Variants in ZNF445 observed in about 807,000 individuals in gnomAD.
The protein encoded by ZNF445 is zinc finger protein 168.
Under a neutral mutation model 93.9 loss-of-function variants are expected in ZNF445, and 19 were observed. The ratio of observed to expected loss-of-function variants is 0.20; its 90% CI spans 0.14 to 0.30. ZNF445 has a LOEUF of 0.30. Among genes scored for constraint, ZNF445 ranks in the 10% least tolerant of loss-of-function variants. The pLI, the probability that ZNF445 is intolerant of heterozygous loss-of-function variation, is 1.00. For missense variants in ZNF445, 1,058 were observed against 1,259.4 expected (o/e 0.84, Z 2.42); for synonymous variants, 449 against 446.3 (o/e 1.01, Z -0.08).
rs1182177937 is a variant in ZNF445, at chr3:44,450,980, AT to A, written c.599-19del. On this transcript the variant is annotated intron_variant, in intron 4 of 7. Coordinates refer to ENST00000396077, the MANE Select transcript of ZNF445 (RefSeq NM_181489.6). Reference sequence around the variant, plus strand: ...AGGAGTATCTGAAGGAGAAAAAGCCATGAGAGAGCGGCTCAGCTCTGGACAG... The same window carrying A: ...AGGAGTATCTGAAGGAGAAAAAGCCAGAGAGAGCGGCTCAGCTCTGGACAG... 1 of 1,554,714 alleles carries A rather than the reference AT, an allele frequency of 6.4e-7. No homozygotes were observed. The highest frequency in any genetic ancestry group is 8.7e-7 in the Non-Finnish European group (1 of 1,150,666).
At chr3:44,457,513 C>T (rs903405463) in intron 2 of ZNF445, among the ~76,000 whole-genome samples, 4 of 152,134 alleles carry the variant, frequency 2.6e-5, no homozygotes, top group Middle Eastern at 3.2e-3. Context: ...CCTCCCACAT[C>T]GGCCTCCTAA....
Position 44,447,348 on chromosome 3 carries a change from A to T in ZNF445, c.2323T>A (p.Ser775Thr). 1 of 1,614,174 alleles carries T rather than the reference A, an allele frequency of 6.2e-7. No homozygotes were observed. The highest frequency in any genetic ancestry group is 1.1e-5 in the South Asian group (1 of 91,086). The change falls in exon 8 of 8, where the codon TCA becomes ACA. Residue 775 changes from serine to threonine, a missense_variant. Coordinates refer to ENST00000396077, the MANE Select transcript of ZNF445 (RefSeq NM_181489.6). This position sits in a 1 kb window ranked among gnomAD's most constrained non-coding sequence, Gnocchi z 4.7. ...ACTCTCTGATGGATGAGGAGGAATGAGTGATTGCGGAAGGCCTTGCCACAC... is the reference window on the plus strand; with the variant it reads ...ACTCTCTGATGGATGAGGAGGAATGTGTGATTGCGGAAGGCCTTGCCACAC... ...SQCGKAFRNH[S>T]FLLIHQRVHT...
chr3:44,448,626 T>C lies in ZNF445; in HGVS notation c.1045A>G (p.Ile349Val), dbSNP rs1697912838. ...TGTTGAAAAGATTCTCTGAGCCCAA[T>C]TCCCTCAGAAACACTTGTCGCAGGA... is the stretch of plus-strand genomic sequence containing the variant. ...GCPATSVSEG[I>V]GLRESFQQKS... is the part of the protein sequence containing the mutation. The change falls in exon 8 of 8, where the codon ATT (isoleucine) becomes GTT (valine). Residue 349 changes from isoleucine (I) to valine (V), a missense_variant. Ile to Val is a conservative substitution (Grantham distance 29). Coordinates refer to ENST00000396077, the MANE Select transcript of ZNF445 (RefSeq NM_181489.6). 2 of 1,614,214 alleles carry C rather than the reference T, an allele frequency of 1.2e-6. No homozygotes were observed. The highest frequency in any genetic ancestry group is 1.3e-5 in the African/African-American group (1 of 75,072).
rs777074588 is a variant in ZNF445 at position 44,455,432 on chromosome 3, C to T, written c.118G>A (p.Ala40Thr). 3.2e-5 allele frequency: 52 copies of T among 1,614,074 alleles called. No homozygotes were observed. The South Asian group carries it at 5.2e-4, about 16-fold the overall frequency. ...CGGTTGAGAGTCTGTGGCCTGGCAG[C>T]CTGCACTGGAGTATAGCTTTCATCC... is the stretch of plus-strand genomic sequence containing the variant. ...EEDESYTPVQ[A>T]ARPQTLNRPG... The change falls in exon 3 of 8, where the codon GCT becomes ACT. Residue 40 changes from alanine to threonine, a missense_variant. Physicochemically the swap from Ala to Thr is moderately conservative, Grantham distance 58. Coordinates refer to ENST00000396077, the MANE Select transcript of ZNF445 (RefSeq NM_181489.6).
chr3:44,448,681 T>C lies in ZNF445; in HGVS notation c.990A>G (p.Glu330=), dbSNP rs2125678764. The C allele has an allele frequency of 6.2e-7, 1 of 1,613,876 alleles. No homozygotes were observed. Among genetic ancestry groups the C allele is most frequent in the Middle Eastern group, 1.7e-4 (1 of 6,060 alleles). ...CTGATGACACAGCTAAGGTTTCTGC[T>C]TCTTCCAAAGGTTCCTGATTTAAGA... The part of the protein sequence containing the change: ...KFILNQEPLE[E]AETLAVSSGC... Residue 330 remains glutamate (E), a synonymous_variant, in exon 8 of 8, where the codon GAA becomes GAG. Coordinates refer to ENST00000396077, the MANE Select transcript of ZNF445 (RefSeq NM_181489.6).
Position 44,443,319 on chromosome 3 carries a change from T to C in ZNF445, c.*3256A>G, listed in dbSNP as rs1056479254. 2 of 152,238 alleles carry C rather than the reference T, an allele frequency of 1.3e-5. No homozygotes were observed. The highest frequency in any genetic ancestry group is 4.8e-5 in the African/African-American group (2 of 41,458). The allele number at this position is 152,238 out of a possible 1,614,324, so 9.4% of individuals were successfully genotyped here. Reference sequence around the variant, plus strand: ...GCTAATCTGAATTCATTAATATTTATATAATTATAGTACTTATAGAACTAA... The same window carrying C: ...GCTAATCTGAATTCATTAATATTTACATAATTATAGTACTTATAGAACTAA... On this transcript the variant is annotated 3_prime_UTR_variant, in exon 8 of 8. Coordinates refer to ENST00000396077, the MANE Select transcript of ZNF445 (RefSeq NM_181489.6).
Position 44,439,791 on chromosome 3 carries a change from A to G in ZNF445, c.*6784T>C, listed in dbSNP as rs191067257. 2 of 152,338 alleles carry G rather than the reference A, an allele frequency of 1.3e-5. No individual in the cohort carries two copies. The highest frequency in any genetic ancestry group is 1.9e-4 in the East Asian group (1 of 5,182). 9.4% of individuals were successfully genotyped at this position (152,338 alleles called of 1,614,324 possible). On this transcript the variant is annotated 3_prime_UTR_variant, in exon 8 of 8. Transcript: ENST00000396077. ...CCAAGAGGTTATGAAAAAGTTTACT[A>G]CTCACATGAGGCCTTCTAGGGAAAG...
intron 1 of ZNF445, among the ~76,000 whole-genome samples, chr3:44,462,900 A>G (rs1698136667): frequency 1.3e-5 from 2 of 152,258 alleles, no homozygotes; most frequent in Non-Finnish European, 2.9e-5. Context: ...CTTAATTAAA[A>G]GTGGATAAAC....
At position 44,455,308 on chromosome 3, in the gene ZNF445, C is replaced by A; in HGVS notation, c.242G>T (p.Arg81Leu). Residue 81 changes from arginine to leucine, a missense_variant, in exon 3 of 8, where the codon CGC becomes CTC. Arg to Leu is a moderately radical substitution (Grantham distance 102). Coordinates refer to ENST00000396077, the MANE Select transcript of ZNF445 (RefSeq NM_181489.6). ...GAGAACGTCAGGCCTCAGCCACCAGCGACAGAGTTCCCGGAGCCGGCTCAG... is the reference window on the plus strand; with the variant it reads ...GAGAACGTCAGGCCTCAGCCACCAGAGACAGAGTTCCCGGAGCCGGCTCAG... Reference protein sequence around the residue: ...ETLSRLRELCRWWLRPDVLSK... With the variant: ...ETLSRLRELCLWWLRPDVLSK... The A allele has an allele frequency of 6.2e-7, 1 of 1,614,026 alleles. No individual in the cohort carries two copies.
rs1422835194 is a variant in ZNF445 at position 44,434,429 on chromosome 3, AAAG to A, written c.*12143_*12145del. On this transcript the variant is annotated 3_prime_UTR_variant, in exon 8 of 8. Transcript: ENST00000396077. ...CTCAAAAAAGAAAAAAAAAAGAGAG[AAAG>A]AAGTTTTGGAAACATTATTTGCCCT... is the stretch of plus-strand genomic sequence containing the variant. The A allele has an allele frequency of 2.7e-5, 4 of 150,900 alleles. No homozygotes were observed. The highest frequency in any genetic ancestry group is 5.9e-5 in the Non-Finnish European group (4 of 67,458). 9.3% of individuals were successfully genotyped at this position (150,900 alleles called of 1,614,324 possible).
chr3:44,476,317 C>T (rs1455908493), intron 1 of ZNF445, among the ~76,000 whole-genome samples: 7 of 152,042 alleles, frequency 4.6e-5, no homozygotes. Context: ...TTTTTAAGTG[C>T]ATACTGAGGT....
chr3:44,471,726 C>T (rs567757160), intron 1 of ZNF445, among the ~76,000 whole-genome samples: 2 of 152,278 alleles, frequency 1.3e-5, no homozygotes, highest in East Asian at 3.9e-4. Context: ...TACAGCCCTA[C>T]TCTATGGGCC....
rs760374759 is a variant in ZNF445, at chr3:44,447,789, T to C, written c.1882A>G (p.Thr628Ala). ...IHTQEKPYKC[T>A]KCRKTFRWRS... ...CATCTAAAGGTTTTCCTACATTTGG[T>C]ACATTTATAGGGCTTCTCCTGGGTG... The change falls in exon 8 of 8, where the codon ACC becomes GCC. Residue 628 changes from threonine to alanine, a missense_variant. This residue lies in a region of ZNF445 where 14 missense variants were observed against 37.3 expected (regional missense o/e 0.38). Transcript: ENST00000396077. This position sits in a 1 kb window ranked among gnomAD's most constrained non-coding sequence, Gnocchi z 4.7. The C allele has an allele frequency of 8.7e-6, 14 of 1,614,016 alleles. No homozygotes were observed. In the East Asian group the frequency reaches 3.1e-4, roughly 36 times the overall value.
chr3:44,463,389 C>T lies in ZNF445; in HGVS notation c.-268-5025G>A, dbSNP rs188092752. ...GAGGCCCTAAGATAACTTCTGGTAG[C>T]CTGGGACTCATTGGGAAAAACAGAG... On this transcript the variant is annotated intron_variant, in intron 1 of 7. Transcript: ENST00000396077. Among the ~76,000 whole-genome samples the T allele has an allele frequency of 1.3e-3, 194 of 152,176 alleles. 2 individuals are homozygous for T. Among genetic ancestry groups the T allele is most frequent in the African/African-American group, 4.4e-3 (183 of 41,502 alleles).
Position 44,448,019 on chromosome 3 carries a change from C to T in ZNF445, c.1652G>A (p.Arg551Gln), listed in dbSNP as rs1455373516. 1.9e-6 allele frequency: 3 copies of T among 1,611,200 alleles called. No individual in the cohort carries two copies. The highest frequency in any genetic ancestry group is 2.5e-6 in the Non-Finnish European group (3 of 1,180,004). ...YKCDLCEKAF[R>Q]RLSAYRLHRE... ...GTGCAGACGGTAGGCTGACAGGCGT[C>T]GGAAAGCTTTCTCACATAAATCGCA... Residue 551 changes from arginine (R) to glutamine (Q), a missense_variant, in exon 8 of 8, where the codon CGA becomes CAA. Arg to Gln is a conservative substitution (Grantham distance 43). Around this residue, in one of 3 missense-constraint regions of ZNF445, gnomAD observed 657 missense variants for 746.4 expected, o/e 0.88. Transcript: ENST00000396077.
At chr3:44,465,999 TTC>T (rs1418363925) in intron 1 of ZNF445, among the ~76,000 whole-genome samples, 1 of 152,200 alleles carries the variant, frequency 6.6e-6, no homozygotes, top group Non-Finnish European at 1.5e-5. Flanking sequence ...AAATTTGGTT[TTC>T]TCTTTTGAAG....
chr3:44,454,382 T>C (rs1011088288), intron 3 of ZNF445, among the ~76,000 whole-genome samples: 1 of 152,068 alleles, frequency 6.6e-6, no homozygotes, highest in Non-Finnish European at 1.5e-5. Flanking sequence ...AATTAGATAA[T>C]ATGTGGAGAT....
At position 44,436,490 on chromosome 3, in the gene ZNF445, G is replaced by A. The variant is rs1014964345; in HGVS notation, c.*10085C>T. On this transcript the variant is annotated 3_prime_UTR_variant, in exon 8 of 8. Coordinates refer to ENST00000396077, the MANE Select transcript of ZNF445 (RefSeq NM_181489.6). Reference sequence around the variant, plus strand: ...ATGAATTTATTTCTCATAATGAAGTGTCCTCTGGACCCTCCCTGGGTGGGT... The same window carrying A: ...ATGAATTTATTTCTCATAATGAAGTATCCTCTGGACCCTCCCTGGGTGGGT... 2.0e-5 allele frequency: 3 copies of A among 152,296 alleles called. No individual in the cohort carries two copies. Among genetic ancestry groups the A allele is most frequent in the South Asian group, 4.1e-4 (2 of 4,828 alleles). 9.4% of individuals were successfully genotyped at this position (152,296 alleles called of 1,614,324 possible).
chr3:44,469,806 AAAAC>A (rs1210251742), intron 1 of ZNF445, among the ~76,000 whole-genome samples: 1 of 151,492 alleles, frequency 6.6e-6, no homozygotes, highest in Non-Finnish European at 1.5e-5. Context: ...CAAAACAAAC[AAAAC>A]AAAGGAGTAC....
Sources: gnomAD v4.1 joint callset for allele counts (sites outside exome capture counted in the v4.1 genomes callset) on GRCh38, gnomAD v4.1.1 for gene constraint, gnomAD v4.1.1 regional missense constraint, Gnocchi (gnomAD v3.1) non-coding constraint, MANE v1.5 for transcripts, NCBI Gene and HGNC (gene_info 2026-07-23, HGNC 2026-07-21) for gene names.